The following LINGO2 variants were observed in gnomAD, a reference collection of about 807,000 sequenced individuals.
LINGO2 encodes leucine-rich repeat and immunoglobulin-like domain-containing nogo receptor-interacting protein 2.
A neutral mutation model predicts 30.6 loss-of-function variants in LINGO2; 14 were observed. The observed-to-expected ratio is 0.46, with a 90% CI of 0.30 to 0.72. LINGO2 has a LOEUF of 0.72. LINGO2 is among the 30% of genes least tolerant of loss of function. The pLI is 0.07. For synonymous variants in LINGO2, 317 were observed against 288.5 expected, an observed-to-expected ratio of 1.10 and a Z score of -1.00; for missense variants, 729 against 751.7, an observed-to-expected ratio of 0.97 and a Z score of 0.35.
chr9:28,678,613 G>A, the LINGO2 span, among the ~76,000 whole-genome samples: 2 of 152,060 alleles, frequency 1.3e-5, no homozygotes, highest in Admixed American at 6.6e-5. Flanking sequence ...TAGAAAATCA[G>A]ATACAATATC....
the LINGO2 span, among the ~76,000 whole-genome samples, chr9:28,925,566 G>T: frequency 6.6e-6 from 1 of 152,174 alleles, no homozygotes; most frequent in East Asian, 1.9e-4. Context: ...TGGAAGCTTT[G>T]CATTTGGAAC....
intron 1 of LINGO2, among the ~76,000 whole-genome samples, chr9:28,599,660 T>A (rs1825379278): frequency 6.6e-6 from 1 of 152,184 alleles, no homozygotes; most frequent in Non-Finnish European, 1.5e-5. Flanking sequence ...TAATAATGTC[T>A]TCCCATTTTA....
the LINGO2 span, among the ~76,000 whole-genome samples, chr9:28,747,747 A>G: frequency 6.6e-6 from 1 of 150,728 alleles, no homozygotes; most frequent in Non-Finnish European, 1.5e-5. Flanking sequence ...CTTAACATAT[A>G]GCAATCCCTA....
At chr9:27,989,393 A>G (rs1821279441) in intron 5 of LINGO2, among the ~76,000 whole-genome samples, 1 of 151,878 alleles carries the variant, frequency 6.6e-6, no homozygotes, top group African/African-American at 2.4e-5. Context: ...TTCAAAGCAT[A>G]TAGTTTGTGA....
At chr9:29,090,729 T>C in the LINGO2 span, among the ~76,000 whole-genome samples, 1 of 152,010 alleles carries the variant, frequency 6.6e-6, no homozygotes, top group Non-Finnish European at 1.5e-5. Context: ...TGGGTAATTA[T>C]ATAACATTTA....
the LINGO2 span, among the ~76,000 whole-genome samples, chr9:28,890,377 T>A: frequency 6.6e-6 from 1 of 152,080 alleles, no homozygotes; most frequent in African/African-American, 2.4e-5. Flanking sequence ...TTTTCCTAAA[T>A]GGGTACACAC....
intron 1 of LINGO2, among the ~76,000 whole-genome samples, chr9:28,554,591 G>C (rs10812841): frequency 1.6e-5 from 2 of 128,622 alleles, no homozygotes; most frequent in Admixed American, 1.6e-4. Context: ...ACAGATCAAC[G>C]AGACAGAAAG....
At chr9:28,369,898 T>C (rs993800610) in intron 3 of LINGO2, among the ~76,000 whole-genome samples, 3 of 152,264 alleles carry the variant, frequency 2.0e-5, no homozygotes, top group Non-Finnish European at 4.4e-5. Context: ...CATTGTATAA[T>C]CTCTGCTTCT....
rs1023717406 is a variant in LINGO2, at chr9:28,065,302, C to T, written c.-86-52897G>A. Among the ~76,000 whole-genome samples the T allele has an allele frequency of 7.9e-5, 12 of 152,116 alleles. No homozygotes were observed. The South Asian group carries it at 8.3e-4, about 11-fold the overall frequency. ...TATTTGTTTTGTTCACTGCCATATC[C>T]GTATCCCCAGTCTCTAGAACAATGT... is the stretch of plus-strand genomic sequence containing the variant. On this transcript the variant is annotated intron_variant, in intron 4 of 5. Coordinates refer to ENST00000379992, the Ensembl canonical transcript of LINGO2.
At chr9:28,663,659 T>A (rs1215415512) in intron 1 of LINGO2, among the ~76,000 whole-genome samples, 1 of 152,174 alleles carries the variant, frequency 6.6e-6, no homozygotes. Flanking sequence ...ATTAATAATA[T>A]TTTAATATCT....
intron 3 of LINGO2, among the ~76,000 whole-genome samples, chr9:28,321,320 CAGCCCACAAGATATAACATGTTAG>C (rs1481834370): frequency 3.9e-5 from 6 of 152,162 alleles, no homozygotes; most frequent in Non-Finnish European, 5.9e-5. Flanking sequence ...TGGGATCATT[CAGCCCACAAGATATAACATGTTAG>C]AGGCAGAGAA....
At chr9:28,450,868 A>G (rs1824621887) in intron 2 of LINGO2, among the ~76,000 whole-genome samples, 1 of 152,032 alleles carries the variant, frequency 6.6e-6, no homozygotes, top group South Asian at 2.1e-4. Context: ...GTTAAACCAC[A>G]TAAAAATGAA....
intron 3 of LINGO2, among the ~76,000 whole-genome samples, chr9:28,358,685 G>A (rs1820326674): frequency 6.6e-6 from 1 of 152,120 alleles, no homozygotes; most frequent in Non-Finnish European, 1.5e-5. Context: ...GGGGATTATA[G>A]TGATGAAGTT....
chr9:28,973,130 A>G, the LINGO2 span, among the ~76,000 whole-genome samples: 1 of 152,196 alleles, frequency 6.6e-6, no homozygotes, highest in African/African-American at 2.4e-5. Context: ...CAAGGAAATA[A>G]TAACAGAGAA....
intron 1 of LINGO2, among the ~76,000 whole-genome samples, chr9:28,615,980 A>G (rs1426383691): frequency 2.6e-5 from 4 of 152,190 alleles, no homozygotes; most frequent in African/African-American, 7.2e-5. Context: ...AGTTGTCAGG[A>G]GTCAAAATAG....
intron 2 of LINGO2, among the ~76,000 whole-genome samples, chr9:28,436,421 AATTT>A (rs143117895): frequency 0.36 from 49,494 of 138,508 alleles, 9,027 homozygotes; most frequent in East Asian, 0.42. Flanking sequence ...TAAGGAAGAG[AATTT>A]ATTTATTTAT....
the LINGO2 span, among the ~76,000 whole-genome samples, chr9:28,795,847 C>A: frequency 6.6e-6 from 1 of 151,940 alleles, no homozygotes; most frequent in Non-Finnish European, 1.5e-5. Context: ...GAAGGAAACT[C>A]ATGCTTATTC....
chr9:28,719,148 TAG>T, the LINGO2 span, among the ~76,000 whole-genome samples: 237 of 152,002 alleles, frequency 1.6e-3, 2 homozygotes, highest in Non-Finnish European at 2.8e-3. Context: ...CATGAAGGAG[TAG>T]AGTCTCCGAG....
intron 4 of LINGO2, among the ~76,000 whole-genome samples, chr9:28,150,357 CT>C (rs959238680): frequency 6.6e-6 from 1 of 152,184 alleles, no homozygotes; most frequent in African/African-American, 2.4e-5. Context: ...TTGAAGTTTA[CT>C]TTTTAATTAA....
Sources: allele counts gnomAD v4.1 joint callset (sites outside exome capture counted in the v4.1 genomes callset), GRCh38; gene constraint gnomAD v4.1.1; transcripts MANE v1.5; gene names NCBI Gene and HGNC (gene_info 2026-07-23, HGNC 2026-07-21).